Variants in ARRB2 observed in about 807,000 individuals in gnomAD.
ARRB2 encodes arrestin beta 2.
In ARRB2, 21 loss-of-function variants were observed where a neutral mutation model predicts 53.4. The ratio of observed to expected loss-of-function variants is 0.39; its 90% CI spans 0.28 to 0.57. The LOEUF (loss-of-function observed/expected upper bound fraction) is 0.57, where lower values mean the gene tolerates loss of function less well. Ranked by LOEUF, ARRB2 falls within the 20% of genes least tolerant of loss-of-function variation. The probability of loss-of-function intolerance (pLI) is 0.55; values close to 1 mark genes in which losing one functional copy is unlikely to be tolerated. For missense variants in ARRB2, 369 were observed against 527.5 expected (o/e 0.70, Z 2.94); for synonymous variants, 180 against 212.9 (o/e 0.85, Z 1.34).
At position 4,717,066 on chromosome 17, in the gene ARRB2, T is replaced by A. The variant is rs1915146812; in HGVS notation, c.358-151T>A. On this transcript the variant is annotated intron_variant, in intron 5 of 14. Transcript: ENST00000269260. The surrounding 1 kb of genome is among the most constrained non-coding windows in gnomAD (Gnocchi z 6.0). ...TCAGGCTGGTCTGGAACCCCTGACC[T>A]CAGGTGATCCGCCCACCTTAGCCTT... 3.4e-6 allele frequency: 3 copies of A among 875,970 alleles called. No homozygotes were observed. The highest frequency in any genetic ancestry group is 1.6e-5 in the African/African-American group (1 of 60,720). 54.3% of individuals were successfully genotyped at this position (875,970 alleles called of 1,614,324 possible). A position where few individuals can be genotyped will look rare whatever the true frequency, so the allele number is the denominator to read the frequency against.
intron 10 of ARRB2, among the ~76,000 whole-genome samples, chr17:4,718,908 C>A (rs34199454): frequency 0.17 from 26,279 of 151,570 alleles, 2,605 homozygotes; most frequent in Middle Eastern, 0.26. Flanking sequence ...CAGCCTCCCA[C>A]GTAGCTGGGA....
In ARRB2 at chr17:4,715,716, CACACACACAA is replaced by C. The variant is rs1555559652; in HGVS notation, c.55-247_55-238del. 1.8e-3 allele frequency: 816 copies of C among 461,210 alleles called. 3 individuals carry two copies. The highest frequency in any genetic ancestry group is 0.013 in the African/African-American group (551 of 42,694). 28.6% of individuals were successfully genotyped at this position (461,210 alleles called of 1,614,324 possible). A position where few individuals can be genotyped will look rare whatever the true frequency, so the allele number is the denominator to read the frequency against. On this transcript the variant is annotated intron_variant, in intron 2 of 14. Coordinates refer to ENST00000269260, the MANE Select transcript of ARRB2 (RefSeq NM_004313.4). Reference sequence around the variant, plus strand: ...GAGGACACACACACACACACACACACACACACACAAACACACACACACCGGGCTGGTGGGC... The same window carrying C: ...GAGGACACACACACACACACACACACACACACACACACCGGGCTGGTGGGC...
Position 4,721,315 on chromosome 17 carries a change from G to C in ARRB2, c.*276G>C. 4 of 461,546 alleles carry C rather than the reference G, an allele frequency of 8.7e-6. 1 individual carries two copies. Among genetic ancestry groups the C allele is most frequent in the Middle Eastern group, 5.6e-4 (1 of 1,790 alleles). 28.6% of individuals were successfully genotyped at this position (461,546 alleles called of 1,614,324 possible). A position where few individuals can be genotyped will look rare whatever the true frequency, so the allele number is the denominator to read the frequency against. On this transcript the variant is annotated 3_prime_UTR_variant, in exon 15 of 15. Coordinates refer to ENST00000269260, the MANE Select transcript of ARRB2 (RefSeq NM_004313.4). The surrounding 1 kb of genome is among the most constrained non-coding windows in gnomAD (Gnocchi z 4.2). ...TGTTCATACCTAAATTTTCTGGAAG[G>C]GGACAGTGAAAAGAGGAGTGACAGG...
chr17:4,715,652 T>G, intron 2 of ARRB2: 1 of 403,594 alleles, frequency 2.5e-6, no homozygotes, highest in Non-Finnish European at 4.5e-6. Context: ...CAGACACACA[T>G]GCACATACAT....
intron 13 of ARRB2, 32 bp downstream of exon 13, chr17:4,720,504 G>C (rs1011806021): frequency 2.5e-6 from 4 of 1,597,388 alleles, no homozygotes; most frequent in Non-Finnish European, 3.4e-6. Flanking sequence ...AGCCCTCAGA[G>C]GGAGGGCCTG....
intron 11 of ARRB2, among the ~76,000 whole-genome samples, chr17:4,719,678 ACC>A (rs1026639481): frequency 2.0e-5 from 3 of 152,090 alleles, no homozygotes; most frequent in African/African-American, 7.2e-5. Flanking sequence ...CGGAGTAAGG[ACC>A]CAGCGGAAGT....
chr17:4,716,303 G>A, intron 4 of ARRB2, 109 bp from the exon 5 acceptor site: 1 of 1,608,082 alleles, frequency 6.2e-7, no homozygotes, highest in South Asian at 1.1e-5. Context: ...GAAGCCAGGA[G>A]TAGGGTTCAG....
At position 4,721,101 on chromosome 17, in the gene ARRB2, C is replaced by T; in HGVS notation, c.*62C>T. The T allele has an allele frequency of 6.6e-7, 1 of 1,522,176 alleles. No homozygotes were observed. The highest frequency in any genetic ancestry group is 1.4e-5 in the African/African-American group (1 of 72,996). The allele number at this position is 1,522,176 out of a possible 1,614,324, so 94.3% of individuals were successfully genotyped here. On this transcript the variant is annotated 3_prime_UTR_variant, in exon 15 of 15. Coordinates refer to ENST00000269260, the MANE Select transcript of ARRB2 (RefSeq NM_004313.4). This position sits in a 1 kb window ranked among gnomAD's most constrained non-coding sequence, Gnocchi z 4.2. Reference sequence around the variant, plus strand: ...GAGAGGTGAGGGCAGGATTAAGATCCCCACTGTCAATGGGGGATTGTCCCA... The same window carrying T: ...GAGAGGTGAGGGCAGGATTAAGATCTCCACTGTCAATGGGGGATTGTCCCA...
chr17:4,718,255 C>G lies in ARRB2; in HGVS notation c.622-6C>G, dbSNP rs1258591902. 1 of 1,609,676 alleles carries G rather than the reference C, an allele frequency of 6.2e-7. No individual in the cohort carries two copies. Among genetic ancestry groups the G allele is most frequent in the Admixed American group, 1.7e-5 (1 of 59,432 alleles). Reference sequence around the variant, plus strand: ...TCCAATTCACATGACCCCCTCCCCCCAAAAGCTGTACTACCATGGGGAGCC... The same window carrying G: ...TCCAATTCACATGACCCCCTCCCCCGAAAAGCTGTACTACCATGGGGAGCC... On this transcript the variant is annotated splice_polypyrimidine_tract_variant and splice_region_variant and intron_variant, in intron 8 of 14. Transcript: ENST00000269260.
Position 4,717,881 on chromosome 17 carries a change from A to G in ARRB2, c.486-7A>G, listed in dbSNP as rs1389638751. 1 of 1,613,928 alleles carries G rather than the reference A, an allele frequency of 6.2e-7. No individual in the cohort carries two copies. The stretch of plus-strand genomic sequence containing the variant: ...AATGACCCCTCCTGCCCCTACTCTG[A>G]TCCCAGGAACTCTGTGCGGCTGGTG... On this transcript the variant is annotated splice_polypyrimidine_tract_variant and splice_region_variant and intron_variant, in intron 7 of 14. Coordinates refer to ENST00000269260, the MANE Select transcript of ARRB2 (RefSeq NM_004313.4). The surrounding 1 kb of genome is among the most constrained non-coding windows in gnomAD (Gnocchi z 6.0).
chr17:4,717,088 C>A lies in ARRB2; in HGVS notation c.358-129C>A. On this transcript the variant is annotated intron_variant, in intron 5 of 14. Coordinates refer to ENST00000269260, the MANE Select transcript of ARRB2 (RefSeq NM_004313.4). The surrounding 1 kb of genome is among the most constrained non-coding windows in gnomAD (Gnocchi z 6.0). The stretch of plus-strand genomic sequence containing the variant: ...ACCTCAGGTGATCCGCCCACCTTAG[C>A]CTTCCAAAGTGTTGGGATTACAGGC... 1.8e-6 allele frequency: 2 copies of A among 1,090,736 alleles called. No individual in the cohort carries two copies. Among genetic ancestry groups the A allele is most frequent in the South Asian group, 1.3e-5 (1 of 77,124 alleles). 67.6% of individuals were successfully genotyped at this position (1,090,736 alleles called of 1,614,324 possible). A position where few individuals can be genotyped will look rare whatever the true frequency, so the allele number is the denominator to read the frequency against.
At chr17:4,712,122 C>T (rs1210669549) in intron 1 of ARRB2, among the ~76,000 whole-genome samples, 2 of 152,166 alleles carry the variant, frequency 1.3e-5, no homozygotes, top group African/African-American at 2.4e-5. Flanking sequence ...TGCCAGGGCT[C>T]CTAATGGGAG....
In ARRB2 at chr17:4,717,183, G is replaced by A; in HGVS notation, c.358-34G>A. The A allele has an allele frequency of 6.2e-7, 1 of 1,607,994 alleles. No homozygotes were observed. The highest frequency in any genetic ancestry group is 1.1e-5 in the South Asian group (1 of 90,958). ...TGGAGGAAGATCTGGGGGCTTTCTG[G>A]AAGAACTGAAGTCTTCTCCTTCCTC... is the stretch of plus-strand genomic sequence containing the variant. On this transcript the variant is annotated intron_variant, in intron 5 of 14. Coordinates refer to ENST00000269260, the MANE Select transcript of ARRB2 (RefSeq NM_004313.4). The surrounding 1 kb of genome is among the most constrained non-coding windows in gnomAD (Gnocchi z 6.0).
In ARRB2 at chr17:4,721,408, G is replaced by T. The variant is rs1915681119; in HGVS notation, c.*369G>T. On this transcript the variant is annotated 3_prime_UTR_variant, in exon 15 of 15. Transcript: ENST00000269260. The surrounding 1 kb of genome is among the most constrained non-coding windows in gnomAD (Gnocchi z 4.2). ...AACACCTCCCATTATCACTCTCTCT[G>T]CCCCCATTCCTTCAAGAGGAGACCC... 2.4e-6 allele frequency: 1 copy of T among 421,516 alleles called. No homozygotes were observed. Among genetic ancestry groups the T allele is most frequent in the African/African-American group, 2.0e-5 (1 of 49,110 alleles). 26.1% of individuals were successfully genotyped at this position (421,516 alleles called of 1,614,324 possible).
chr17:4,713,146 C>T (rs2150583013), intron 1 of ARRB2, among the ~76,000 whole-genome samples: 1 of 143,842 alleles, frequency 7.0e-6, no homozygotes, highest in East Asian at 2.1e-4. Flanking sequence ...CACCTGAGGT[C>T]AGAAGTTGGA....
Position 4,721,040 on chromosome 17 carries a change from G to A in ARRB2, c.*1G>A, listed in dbSNP as rs1915646736. 3.1e-6 allele frequency: 5 copies of A among 1,611,932 alleles called. No individual in the cohort carries two copies. The highest frequency in any genetic ancestry group is 4.2e-6 in the Non-Finnish European group (5 of 1,178,182). ...CGACTATGATGATCAACTCTGCTAG[G>A]AAGCGGGGTGGGAAGAAGGGAGGGG... On this transcript the variant is annotated 3_prime_UTR_variant, in exon 15 of 15. Transcript: ENST00000269260. This position sits in a 1 kb window ranked among gnomAD's most constrained non-coding sequence, Gnocchi z 4.2.
At position 4,717,821 on chromosome 17, in the gene ARRB2, C is replaced by T. The variant is rs1311249824; in HGVS notation, c.486-67C>T. 11 of 1,601,660 alleles carry T rather than the reference C, an allele frequency of 6.9e-6. No individual in the cohort carries two copies. Among genetic ancestry groups the T allele is most frequent in the South Asian group, 2.2e-5 (2 of 90,870 alleles). Reference sequence around the variant, plus strand: ...TCCCCGCTTCCAGGAGCCCAGGCCCCGTGCGGGGGAGGAGTAGGGTTGGGG... The same window carrying T: ...TCCCCGCTTCCAGGAGCCCAGGCCCTGTGCGGGGGAGGAGTAGGGTTGGGG... On this transcript the variant is annotated intron_variant, in intron 7 of 14. Coordinates refer to ENST00000269260, the MANE Select transcript of ARRB2 (RefSeq NM_004313.4). The surrounding 1 kb of genome is among the most constrained non-coding windows in gnomAD (Gnocchi z 6.0).
At chr17:4,715,713 ACACACAC>A (rs1168793910) in intron 2 of ARRB2, 12 of 462,934 alleles carry the variant, frequency 2.6e-5, no homozygotes, top group Admixed American at 3.8e-5. Context: ...ACACACACAC[ACACACAC>A]ACACAAACAC....
chr17:4,712,283 A>G (rs987543506), intron 1 of ARRB2, among the ~76,000 whole-genome samples: 4 of 152,222 alleles, frequency 2.6e-5, no homozygotes, highest in African/African-American at 9.6e-5. Flanking sequence ...TTGGTTAGGA[A>G]TACCTGGGGC....
Sources: gnomAD v4.1 joint callset for allele counts (sites outside exome capture counted in the v4.1 genomes callset) on GRCh38, gnomAD v4.1.1 for gene constraint, Gnocchi (gnomAD v3.1) non-coding constraint, MANE v1.5 for transcripts, NCBI Gene and HGNC (gene_info 2026-07-23, HGNC 2026-07-21) for gene names.